The following LRP5 variants were observed in gnomAD, a reference collection of about 807,000 sequenced individuals.
LRP5 encodes the protein low-density lipoprotein receptor-related protein 5.
Under a neutral mutation model 154.1 loss-of-function variants are expected in LRP5, and 62 were observed. That is an observed-to-expected ratio of 0.40 (90% CI 0.33 to 0.50). LRP5 has a LOEUF of 0.50. Among genes scored for constraint, LRP5 ranks in the 20% least tolerant of loss-of-function variants. LRP5 has a pLI of 0.55. For missense variants in LRP5, 1,915 were observed against 2,336.7 expected (o/e 0.82, Z 3.72); for synonymous variants, 966 against 1,011.5 (o/e 0.96, Z 0.85).
At chr11:68,329,329 G>GC (rs1398152544) in intron 1 of LRP5, among the ~76,000 whole-genome samples, 1 of 152,196 alleles carries the variant, frequency 6.6e-6, no homozygotes, top group Non-Finnish European at 1.5e-5. Flanking sequence ...CCTTCCAGCT[G>GC]CCCTGTGGGC....
At chr11:68,355,120 C>T (rs2508843) in intron 2 of LRP5, among the ~76,000 whole-genome samples, 2 of 152,184 alleles carry the variant, frequency 1.3e-5, no homozygotes, top group African/African-American at 2.4e-5. Flanking sequence ...TGGGGTGGCC[C>T]TTGGTGCACC....
At chr11:68,369,634 G>A (rs545396225) in intron 5 of LRP5, among the ~76,000 whole-genome samples, 3 of 152,240 alleles carry the variant, frequency 2.0e-5, no homozygotes, top group Admixed American at 1.3e-4. Flanking sequence ...TTAGCCGGGC[G>A]GTAGTCGTGC....
At chr11:68,424,882 A>G (rs151305010) in intron 14 of LRP5, among the ~76,000 whole-genome samples, 19 of 152,192 alleles carry the variant, frequency 1.2e-4, no homozygotes, top group African/African-American at 4.3e-4. Flanking sequence ...CCTTCATGAC[A>G]TTTGTAAAGA....
intron 15 of LRP5, 52 bp from the exon 16 acceptor site, chr11:68,425,926 G>C: frequency 6.6e-7 from 1 of 1,515,910 alleles, no homozygotes; most frequent in Non-Finnish European, 9.1e-7. Flanking sequence ...CTGAGTGTGG[G>C]GCAAGTTCTG....
the LRP5 span, among the ~76,000 whole-genome samples, chr11:68,305,502 G>A: frequency 6.6e-6 from 1 of 152,096 alleles, no homozygotes; most frequent in Admixed American, 6.6e-5. Flanking sequence ...GAGTGCAGTG[G>A]CACAATCTTG....
intron 1 of LRP5, among the ~76,000 whole-genome samples, chr11:68,324,887 G>A (rs774890178): frequency 1.2e-4 from 18 of 152,324 alleles, no homozygotes; most frequent in Non-Finnish European, 2.2e-4. Context: ...GATCCAGGCA[G>A]GTCTGGCACG....
rs191965216 is a variant in LRP5 at position 68,364,530 on chromosome 11, C to T, written c.883+587C>T. Among the ~76,000 whole-genome samples the T allele has an allele frequency of 1.8e-4, 28 of 152,036 alleles. No individual in the cohort carries two copies. In the East Asian group the frequency reaches 2.7e-3, roughly 15 times the overall value. On this transcript the variant is annotated intron_variant, in intron 4 of 22. Coordinates refer to ENST00000294304, the MANE Select transcript of LRP5 (RefSeq NM_002335.4). ...AGCCACCATGCTTGGCCCTGCAAGT[C>T]GCGTATTTATCAATGAATAATCTGC...
At chr11:68,436,259 C>T (rs1338391616) in intron 18 of LRP5, among the ~76,000 whole-genome samples, 5 of 152,110 alleles carry the variant, frequency 3.3e-5, no homozygotes, top group Admixed American at 1.3e-4. Flanking sequence ...GGCAGGACAC[C>T]GGGGGCAGGG....
chr11:68,438,495 C>A lies in LRP5; in HGVS notation c.4161C>A (p.Ile1387=), dbSNP rs565597015. ...SDDSPAHSSA[I]GPVIGIILSL... ...ACAGCCCGGCCCACAGCAGTGCCATCGGGCCCGTCATTGGCATCATCCTCT... is the reference window on the plus strand; with the variant it reads ...ACAGCCCGGCCCACAGCAGTGCCATAGGGCCCGTCATTGGCATCATCCTCT... The change falls in exon 20 of 23, where the codon ATC becomes ATA. Residue 1387 remains isoleucine (I), a synonymous_variant. Transcript: ENST00000294304. 6.2e-7 allele frequency: 1 copy of A among 1,614,224 alleles called. No homozygotes were observed. Among genetic ancestry groups the A allele is most frequent in the Admixed American group, 1.7e-5 (1 of 60,038 alleles).
chr11:68,440,018 G>T (rs1011079863), intron 21 of LRP5, 102 bp downstream of exon 21: 7 of 1,068,570 alleles, frequency 6.6e-6, no homozygotes, highest in Admixed American at 2.8e-5. Flanking sequence ...TGGGGGCTGT[G>T]CCACCGCCTC....
In LRP5 at chr11:68,423,802, G is replaced by A; in HGVS notation, c.3236+105G>A. The A allele has an allele frequency of 4.6e-6, 5 of 1,091,526 alleles. No homozygotes were observed. The highest frequency in any genetic ancestry group is 6.6e-6 in the Non-Finnish European group (5 of 758,398). 67.6% of individuals were successfully genotyped at this position (1,091,526 alleles called of 1,614,324 possible). A position where few individuals can be genotyped will look rare whatever the true frequency, so the allele number is the denominator to read the frequency against. ...CAGGCTGGGGAGACTTTCCACCCTG[G>A]GGATCCAATGGGTGGCTTTCCAGGG... On this transcript the variant is annotated intron_variant, in intron 14 of 22. Coordinates refer to ENST00000294304, the MANE Select transcript of LRP5 (RefSeq NM_002335.4). This position sits in a 1 kb window ranked among gnomAD's most constrained non-coding sequence, Gnocchi z 4.7.
chr11:68,363,130 T>G (rs991073956), intron 3 of LRP5, among the ~76,000 whole-genome samples: 1 of 152,166 alleles, frequency 6.6e-6, no homozygotes, highest in Non-Finnish European at 1.5e-5. Context: ...AAGGAGCGAG[T>G]GCACATGGCC....
chr11:68,331,273 G>T (rs1161217200), intron 1 of LRP5, among the ~76,000 whole-genome samples: 1 of 152,238 alleles, frequency 6.6e-6, no homozygotes, highest in Non-Finnish European at 1.5e-5. Context: ...CTTTGGTGTG[G>T]CTTCTTCACA....
At chr11:68,324,653 A>G (rs2098598608) in intron 1 of LRP5, among the ~76,000 whole-genome samples, 1 of 152,242 alleles carries the variant, frequency 6.6e-6, no homozygotes. Flanking sequence ...TTATCCTCTT[A>G]AGGAAATGAC....
At chr11:68,404,167 G>A (rs1198375087) in intron 8 of LRP5, 1 of 441,336 alleles carries the variant, frequency 2.3e-6, no homozygotes, top group Admixed American at 2.7e-5. Flanking sequence ...AGGATCTTCA[G>A]GACGCTCCCC....
intron 1 of LRP5, among the ~76,000 whole-genome samples, chr11:68,346,547 A>G (rs915914042): frequency 6.6e-6 from 1 of 152,172 alleles, no homozygotes; most frequent in African/African-American, 2.4e-5. Context: ...AACTAACTAC[A>G]GGATTCAGTT....
At chr11:68,385,747 G>A (rs604944) in intron 5 of LRP5, among the ~76,000 whole-genome samples, 148,049 of 152,110 alleles carry the variant, frequency 0.97, 72,105 homozygotes, top group East Asian at 1. Flanking sequence ...CACTTGAAGG[G>A]TGTGTCTGGC....
chr11:68,300,947 A>G, the LRP5 span, among the ~76,000 whole-genome samples: 1 of 145,740 alleles, frequency 6.9e-6, no homozygotes, highest in Non-Finnish European at 1.5e-5. Flanking sequence ...TTTTTTTGAG[A>G]GAGAGTTTCG....
the LRP5 span, among the ~76,000 whole-genome samples, chr11:68,299,471 G>A: frequency 6.8e-6 from 1 of 147,884 alleles, no homozygotes; most frequent in Non-Finnish European, 1.5e-5. Flanking sequence ...GGAGTCCTCA[G>A]TGTAGATGGC....
Sources: allele counts gnomAD v4.1 joint callset (sites outside exome capture counted in the v4.1 genomes callset), GRCh38; gene constraint gnomAD v4.1.1; non-coding constraint Gnocchi (gnomAD v3.1); transcripts MANE v1.5; gene names NCBI Gene and HGNC (gene_info 2026-07-23, HGNC 2026-07-21).